Variants in UBR4 observed in about 807,000 individuals in gnomAD.
UBR4 encodes ubiquitin protein ligase E3 component n-recognin 4, also known as E3 ubiquitin-protein ligase UBR4.
UBR4 carries 124 observed loss-of-function variants against 575.6 expected under a neutral mutation model. The ratio of observed to expected loss-of-function variants is 0.22; its 90% CI spans 0.19 to 0.25. UBR4 has a LOEUF of 0.25. UBR4 is among the 10% of genes least tolerant of loss of function. The probability of loss-of-function intolerance (pLI) is 1.00; values close to 1 mark genes in which losing one functional copy is unlikely to be tolerated. For missense variants in UBR4, 4,818 were observed against 6,478.8 expected (o/e 0.74, Z 8.80); for synonymous variants, 2,455 against 2,473.7 (o/e 0.99, Z 0.22).
intron 71 of UBR4, 115 bp from the exon 72 acceptor site, chr1:19,118,025 G>T: frequency 1.1e-6 from 1 of 924,426 alleles, no homozygotes; most frequent in Non-Finnish European, 1.7e-6. Context: ...AGCCCAAAGT[G>T]AGCCCCACCC....
At chr1:19,170,917 A>C (rs1161598522) in intron 25 of UBR4, 34 bp from the exon 26 acceptor site, 1 of 1,613,870 alleles carries the variant, frequency 6.2e-7, no homozygotes, top group Non-Finnish European at 8.5e-7. Flanking sequence ...TGAAGCCATA[A>C]GATTCTAATC....
In UBR4 at chr1:19,076,311, G is replaced by C. The variant is rs540085125; in HGVS notation, c.15487+429C>G. Among the ~76,000 whole-genome samples, 15 of 152,306 alleles carry C rather than the reference G, an allele frequency of 9.8e-5. No individual in the cohort carries two copies. The East Asian group carries it at 2.5e-3, about 25-fold the overall frequency. On this transcript the variant is annotated intron_variant, in intron 105 of 105. Coordinates refer to ENST00000375254, the MANE Select transcript of UBR4 (RefSeq NM_020765.3). ...GACCTAAGACGCAGGAGGAAGACAG[G>C]GGCATTCCAATTTGCATGTTAATTC...
At chr1:19,144,948 AAACTCT>A (rs1213833013) in intron 53 of UBR4, 41 bp from the exon 54 acceptor site, 1 of 1,611,064 alleles carries the variant, frequency 6.2e-7, no homozygotes, top group South Asian at 1.1e-5. Flanking sequence ...CTGGAGGAAA[AAACTCT>A]AACTACTTGA....
Position 19,117,714 on chromosome 1 carries a change from G to T in UBR4, c.10629+109C>A. On this transcript the variant is annotated intron_variant, in intron 72 of 105. Coordinates refer to ENST00000375254, the MANE Select transcript of UBR4 (RefSeq NM_020765.3). The surrounding 1 kb of genome is among the most constrained non-coding windows in gnomAD (Gnocchi z 4.0). ...GCAGATAAAAATTCCTACTATCGGT[G>T]ACCAACCATTAGGAGAGGAACATCT... The T allele has an allele frequency of 1.7e-6, 2 of 1,149,772 alleles. No homozygotes were observed. Among genetic ancestry groups the T allele is most frequent in the Non-Finnish European group, 1.3e-6 (1 of 782,266 alleles). 71.2% of individuals were successfully genotyped at this position (1,149,772 alleles called of 1,614,324 possible).
chr1:19,151,556 C>T (rs768421500), intron 48 of UBR4, 87 bp downstream of exon 48: 2 of 1,411,766 alleles, frequency 1.4e-6, no homozygotes. Context: ...TGGAGAGATC[C>T]CAGAATGTTG....
rs539399682 is a variant in UBR4 at position 19,089,598 on chromosome 1, C to A, written c.14212-621G>T. On this transcript the variant is annotated intron_variant, in intron 97 of 105. Transcript: ENST00000375254. This position sits in a 1 kb window ranked among gnomAD's most constrained non-coding sequence, Gnocchi z 4.3. The stretch of plus-strand genomic sequence containing the variant: ...ACTACGTATAGCGCTATGTGATAAA[C>A]GGGGGTGGAGAACATCAGAAGGCTA... Among the ~76,000 whole-genome samples the A allele has an allele frequency of 6.6e-6, 1 of 152,162 alleles. No individual in the cohort carries two copies. Among genetic ancestry groups the A allele is most frequent in the Non-Finnish European group, 1.5e-5 (1 of 68,036 alleles).
Position 19,179,281 on chromosome 1 carries a change from T to G in UBR4, c.2185-61A>C, listed in dbSNP as rs2151087547. 4.1e-6 allele frequency: 6 copies of G among 1,445,900 alleles called. No individual in the cohort carries two copies. The South Asian group carries it at 9.7e-5, about 23-fold the overall frequency. The allele number at this position is 1,445,900 out of a possible 1,614,324, so 89.6% of individuals were successfully genotyped here. A position where few individuals can be genotyped will look rare whatever the true frequency, so the allele number is the denominator to read the frequency against. On this transcript the variant is annotated intron_variant, in intron 17 of 105. Coordinates refer to ENST00000375254, the MANE Select transcript of UBR4 (RefSeq NM_020765.3). ...CAGATACGGGATAAAGTCAAAAGGT[T>G]ACTCATGTTCTCAAACGTTTGTTTG...
Position 19,107,600 on chromosome 1 carries a change from T to C in UBR4, c.12106-634A>G, listed in dbSNP as rs927783049. 2.0e-5 allele frequency among the ~76,000 whole-genome samples: 3 copies of C among 152,022 alleles called. No individual in the cohort carries two copies. The East Asian group carries it at 5.8e-4, about 29-fold the overall frequency. On this transcript the variant is annotated intron_variant, in intron 81 of 105. Coordinates refer to ENST00000375254, the MANE Select transcript of UBR4 (RefSeq NM_020765.3). ...GAGTTCGAGACCAGCCTGGCTAATA[T>C]GGTGAAACTCCATTTCGATACAAAA...
At chr1:19,162,349 G>A in intron 35 of UBR4, 71 bp downstream of exon 35, 1 of 1,512,944 alleles carries the variant, frequency 6.6e-7, no homozygotes, top group African/African-American at 1.4e-5. Context: ...GGAAAACAGA[G>A]CCAAAAGCTT....
chr1:19,096,380 C>T, intron 92 of UBR4, 143 bp downstream of exon 92: 1 of 1,340,404 alleles, frequency 7.5e-7, no homozygotes, highest in Non-Finnish European at 9.9e-7. Context: ...GTCCTAACTG[C>T]CAGGTCCTTC....
chr1:19,099,728 TA>T (rs2149033984), intron 89 of UBR4, 51 bp from the exon 90 acceptor site: 1 of 1,559,394 alleles, frequency 6.4e-7, no homozygotes, highest in East Asian at 2.3e-5. Context: ...GTAAGACAAG[TA>T]AAATCCAAGA....
Position 19,174,431 on chromosome 1 carries a change from A to C in UBR4, c.2870T>G (p.Phe957Cys). The change falls in exon 22 of 106, where the codon TTC becomes TGC. Residue 957 changes from phenylalanine to cysteine, a missense_variant. Physicochemically the swap from Phe to Cys is radical, Grantham distance 205. Around this residue, in one of 29 missense-constraint regions of UBR4, gnomAD observed 1,172 missense variants for 1,259.7 expected, o/e 0.93. Coordinates refer to ENST00000375254, the MANE Select transcript of UBR4 (RefSeq NM_020765.3). ...RLDSVACDVL[F>C]SKLVKYDELY... Reference sequence around the variant, plus strand: ...CTCATCATACTTGACAAGCTTGGAGAAAAGGACGTCACATGCCTGACATCA... The same window carrying C: ...CTCATCATACTTGACAAGCTTGGAGCAAAGGACGTCACATGCCTGACATCA... The C allele has an allele frequency of 6.2e-7, 1 of 1,610,122 alleles. No homozygotes were observed. Among genetic ancestry groups the C allele is most frequent in the Non-Finnish European group, 8.5e-7 (1 of 1,179,778 alleles).
chr1:19,116,497 A>G (rs1316623661), intron 73 of UBR4, among the ~76,000 whole-genome samples: 4 of 152,062 alleles, frequency 2.6e-5, no homozygotes, highest in African/African-American at 9.7e-5. Flanking sequence ...GCTGTGGTAC[A>G]TGAGCCTTAT....
intron 103 of UBR4, chr1:19,081,038 T>C (rs2076451072): frequency 4.0e-6 from 1 of 250,616 alleles, no homozygotes. Context: ...GAAAACCTGA[T>C]TACTGTTCTT....
At chr1:19,143,478 G>A (rs930931351) in intron 55 of UBR4, among the ~76,000 whole-genome samples, 1 of 152,148 alleles carries the variant, frequency 6.6e-6, no homozygotes, top group Non-Finnish European at 1.5e-5. Context: ...TGTGTATTGT[G>A]TACTGTGTAT....
intron 8 of UBR4, among the ~76,000 whole-genome samples, chr1:19,195,159 G>A (rs933851065): frequency 6.6e-6 from 1 of 151,410 alleles, no homozygotes; most frequent in Non-Finnish European, 1.5e-5. Context: ...CAGCTACAAG[G>A]GAGGCTGAGG....
chr1:19,134,255 A>AAAAT (rs951027481), intron 60 of UBR4, among the ~76,000 whole-genome samples: 5 of 151,838 alleles, frequency 3.3e-5, no homozygotes, highest in African/African-American at 7.3e-5. Context: ...CTCTGTCTCA[A>AAAAT]AAATAAATAA....
intron 90 of UBR4, among the ~76,000 whole-genome samples, chr1:19,098,869 T>C (rs2078327242): frequency 6.6e-6 from 1 of 152,188 alleles, no homozygotes; most frequent in Non-Finnish European, 1.5e-5. Flanking sequence ...TTAAGTTACT[T>C]ATCTGATTCA....
chr1:19,148,062 A>G lies in UBR4; in HGVS notation c.7560T>C (p.Ser2520=). The part of the protein sequence containing the change: ...TLLLSLPAPA[S]VQQQSKSLLA... ...GAAGGCTCTTGGACTGCTGCTGGACACTGGCAGGTGCTGGCAGGGACAACA... is the reference window on the plus strand; with the variant it reads ...GAAGGCTCTTGGACTGCTGCTGGACGCTGGCAGGTGCTGGCAGGGACAACA... Residue 2520 remains serine (S), a synonymous_variant, in exon 51 of 106, where the codon AGT becomes AGC. Transcript: ENST00000375254. The G allele has an allele frequency of 1.2e-6, 2 of 1,612,250 alleles. No individual in the cohort carries two copies. The highest frequency in any genetic ancestry group is 2.2e-5 in the South Asian group (2 of 91,080).
Sources: allele counts gnomAD v4.1 joint callset (sites outside exome capture counted in the v4.1 genomes callset), GRCh38; gene constraint gnomAD v4.1.1; regional missense constraint gnomAD v4.1.1; non-coding constraint Gnocchi (gnomAD v3.1); transcripts MANE v1.5; gene names NCBI Gene and HGNC (gene_info 2026-07-23, HGNC 2026-07-21).